Variants in MCPH1 observed in about 807,000 individuals in gnomAD.
MCPH1 encodes the protein microcephalin.
Under a neutral mutation model 84.5 loss-of-function variants are expected in MCPH1, and 104 were observed. The observed-to-expected ratio is 1.23, with a 90% CI of 1.05 to 1.45. MCPH1 has a LOEUF of 1.45. Ranked by LOEUF, MCPH1 falls within the 40% of genes most tolerant of loss-of-function variation. The pLI, the probability that MCPH1 is intolerant of heterozygous loss-of-function variation, is 0.00. For synonymous variants in MCPH1, 514 were observed against 366.8 expected (o/e 1.40, Z -4.58); for missense variants, 1,498 against 1,005.7 (o/e 1.49, Z -6.62).
At chr8:6,606,427 A>G (rs759259653) in intron 12 of MCPH1, among the ~76,000 whole-genome samples, 5 of 152,214 alleles carry the variant, frequency 3.3e-5, no homozygotes, top group Non-Finnish European at 5.9e-5. Flanking sequence ...TAAAGGCTTC[A>G]TTTAAAAACC....
intron 13 of MCPH1, chr8:6,626,804 G>A (rs1012584228): frequency 1.0e-6 from 1 of 985,230 alleles, no homozygotes; most frequent in African/African-American, 1.7e-5. Context: ...CATTTGTGCT[G>A]TGGTCAGCTC....
chr8:6,479,214 C>G lies in MCPH1; in HGVS notation c.1974-1500C>G, dbSNP rs371835444. 3.3e-5 allele frequency among the ~76,000 whole-genome samples: 5 copies of G among 151,894 alleles called. No individual in the cohort carries two copies. The East Asian group carries it at 5.8e-4, about 18-fold the overall frequency. The stretch of plus-strand genomic sequence containing the variant: ...CCCTGGAGATCAAGGATGCAGTGAG[C>G]CATGATTGTACCACTGCACTCCAGC... On this transcript the variant is annotated intron_variant, in intron 10 of 13. Coordinates refer to ENST00000344683, the MANE Select transcript of MCPH1 (RefSeq NM_024596.5).
chr8:6,521,189 G>A, intron 12 of MCPH1: 1 of 1,612,154 alleles, frequency 6.2e-7, no homozygotes, highest in Admixed American at 1.7e-5. Flanking sequence ...GTTTGATGTG[G>A]ACATCATAGT....
chr8:6,420,782 G>T (rs1800067532), intron 3 of MCPH1, among the ~76,000 whole-genome samples: 2 of 152,072 alleles, frequency 1.3e-5, no homozygotes, highest in Non-Finnish European at 2.9e-5. Flanking sequence ...TGTTACCAGT[G>T]GAAGGTATCC....
At chr8:6,434,889 A>G (rs1040955115) in intron 4 of MCPH1, among the ~76,000 whole-genome samples, 2 of 152,184 alleles carry the variant, frequency 1.3e-5, no homozygotes, top group African/African-American at 4.8e-5. Flanking sequence ...TGTTATAGGT[A>G]AAATCGATGT....
intron 11 of MCPH1, among the ~76,000 whole-genome samples, chr8:6,499,121 A>T (rs939909728): frequency 6.6e-5 from 10 of 151,960 alleles, no homozygotes; most frequent in Non-Finnish European, 1.2e-4. Flanking sequence ...GAATTGTATA[A>T]TCCAGCTTTG....
chr8:6,518,251 C>G (rs905215079), intron 12 of MCPH1, among the ~76,000 whole-genome samples: 1 of 152,150 alleles, frequency 6.6e-6, no homozygotes, highest in African/African-American at 2.4e-5. Flanking sequence ...CACTCCTGTC[C>G]CCAGGCCAAG....
At chr8:6,492,617 C>T (rs1056247374) in intron 11 of MCPH1, among the ~76,000 whole-genome samples, 6 of 149,006 alleles carry the variant, frequency 4.0e-5, no homozygotes, top group African/African-American at 1.5e-4. Context: ...CTATGCTATT[C>T]ATCATTAATA....
At chr8:6,469,996 C>G (rs1807498986) in intron 9 of MCPH1, among the ~76,000 whole-genome samples, 1 of 152,176 alleles carries the variant, frequency 6.6e-6, no homozygotes, top group African/African-American at 2.4e-5. Flanking sequence ...ATGCGCCTAA[C>G]TGTGTGCTTT....
At chr8:6,407,594 C>T (rs1489550325) in intron 1 of MCPH1, among the ~76,000 whole-genome samples, 1 of 152,146 alleles carries the variant, frequency 6.6e-6, no homozygotes, top group Non-Finnish European at 1.5e-5. Context: ...GTCATAAAAC[C>T]TCATAGCCAA....
intron 12 of MCPH1, among the ~76,000 whole-genome samples, chr8:6,578,837 C>G (rs79676110): frequency 2.5e-4 from 38 of 152,272 alleles, no homozygotes; most frequent in African/African-American, 8.9e-4. Flanking sequence ...GAGCTGCTCT[C>G]GGCTCCTTTG....
rs1808159876 is a variant in MCPH1, at chr8:6,474,386, C to G, written c.1936-3208C>G. 1.9e-5 allele frequency: 6 copies of G among 321,800 alleles called. No homozygotes were observed. In the East Asian group the frequency reaches 4.0e-4, roughly 22 times the overall value. The allele number at this position is 321,800 out of a possible 1,614,324, so 19.9% of individuals were successfully genotyped here. ...CAAAGTGACACTTTAGGACTGAACTCAGGGAGTCTGTGGGGTCAAAACTAA... is the reference window on the plus strand; with the variant it reads ...CAAAGTGACACTTTAGGACTGAACTGAGGGAGTCTGTGGGGTCAAAACTAA... On this transcript the variant is annotated intron_variant, in intron 9 of 13. Coordinates refer to ENST00000344683, the MANE Select transcript of MCPH1 (RefSeq NM_024596.5).
chr8:6,448,352 G>A (rs1804682058), intron 8 of MCPH1, among the ~76,000 whole-genome samples: 1 of 152,194 alleles, frequency 6.6e-6, no homozygotes, highest in African/African-American at 2.4e-5. Context: ...GAACAACGGG[G>A]AGGCCAGTAC....
chr8:6,487,320 G>T (rs1219659000), intron 11 of MCPH1, among the ~76,000 whole-genome samples: 2 of 152,150 alleles, frequency 1.3e-5, no homozygotes, highest in Non-Finnish European at 2.9e-5. Flanking sequence ...AGTCAGATGA[G>T]ATATGTTTTT....
chr8:6,520,110 G>T, intron 12 of MCPH1: 1 of 1,149,180 alleles, frequency 8.7e-7, no homozygotes. Flanking sequence ...GTAAGCAAAA[G>T]GCTGTACCAC....
intron 12 of MCPH1, among the ~76,000 whole-genome samples, chr8:6,555,888 G>GT (rs1824527063): frequency 6.6e-6 from 1 of 152,172 alleles, no homozygotes; most frequent in African/African-American, 2.4e-5. Flanking sequence ...CCAGTTGCTT[G>GT]TTTTTGCTTG....
chr8:6,612,908 G>A (rs1394355963), intron 12 of MCPH1, among the ~76,000 whole-genome samples: 2 of 152,256 alleles, frequency 1.3e-5, no homozygotes, highest in South Asian at 2.1e-4. Context: ...TGCAAAGGAA[G>A]TGAAGAGGGA....
chr8:6,624,902 T>A, intron 13 of MCPH1: 2 of 953,700 alleles, frequency 2.1e-6, no homozygotes, highest in Non-Finnish European at 2.5e-6. Context: ...TGAGATGGAG[T>A]CTCGCTGTGT....
chr8:6,541,870 T>C (rs774487071), intron 12 of MCPH1, among the ~76,000 whole-genome samples: 4 of 151,916 alleles, frequency 2.6e-5, no homozygotes, highest in Non-Finnish European at 5.9e-5. Context: ...TAGCTGGACA[T>C]GGTGGCTCAT....
Sources: allele counts gnomAD v4.1 joint callset (sites outside exome capture counted in the v4.1 genomes callset), GRCh38; gene constraint gnomAD v4.1.1; transcripts MANE v1.5; gene names NCBI Gene and HGNC (gene_info 2026-07-23, HGNC 2026-07-21).